The following OPCML variants were observed in gnomAD, a reference collection of about 807,000 sequenced individuals.
OPCML encodes opioid binding protein/cell adhesion molecule like, also known as opioid-binding protein/cell adhesion molecule.
Under a neutral mutation model 37.8 loss-of-function variants are expected in OPCML, and 13 were observed. The observed-to-expected ratio is 0.34, with a 90% confidence interval of 0.22 to 0.55. The LOEUF is 0.55. OPCML is among the 20% of genes least tolerant of loss of function. OPCML has a pLI of 0.91. For missense variants in OPCML, 341 were observed against 435.6 expected, an observed-to-expected ratio of 0.78 and a Z score of 1.93; for synonymous variants, 176 against 168.8, an observed-to-expected ratio of 1.04 and a Z score of -0.33.
intron 1 of OPCML, among the ~76,000 whole-genome samples, chr11:133,141,182 GAGGA>G: frequency 2.0e-5 from 3 of 152,084 alleles, no homozygotes; most frequent in Admixed American, 2.0e-4. Flanking sequence ...AGGTGAAGGA[GAGGA>G]ACAAGGCAGC....
At chr11:132,479,260 G>A (rs1310410884) in intron 4 of OPCML, among the ~76,000 whole-genome samples, 2 of 152,214 alleles carry the variant, frequency 1.3e-5, no homozygotes, top group Non-Finnish European at 2.9e-5. Context: ...AGAAAGGGGT[G>A]ACAGACGGCA....
chr11:133,281,586 C>G (rs1162546268), intron 1 of OPCML, among the ~76,000 whole-genome samples: 1 of 151,778 alleles, frequency 6.6e-6, no homozygotes, highest in Non-Finnish European at 1.5e-5. Context: ...ACATTGGTAC[C>G]AAGGAGTGGG....
rs555249937 is a variant in OPCML, at chr11:132,806,771, A to G, written c.146+136155T>C. On this transcript the variant is annotated intron_variant, in intron 2 of 7. Transcript: ENST00000524381. ...CCAACTTGATCTAATCAATATTTAC[A>G]GGACACTACACCCAACAGTGCCATC... Among the ~76,000 whole-genome samples the G allele has an allele frequency of 1.8e-4, 28 of 152,310 alleles. No homozygotes were observed. In the South Asian group the frequency reaches 5.6e-3, roughly 30 times the overall value.
chr11:133,006,830 C>CT (rs1373927163), intron 1 of OPCML: 1 of 985,314 alleles, frequency 1.0e-6, no homozygotes, highest in African/African-American at 1.7e-5. Context: ...ACCAGGGTAA[C>CT]TGGGCATGAA....
intron 4 of OPCML, among the ~76,000 whole-genome samples, chr11:132,459,393 C>T (rs1367960616): frequency 2.1e-5 from 3 of 140,254 alleles, no homozygotes; most frequent in Non-Finnish European, 3.0e-5. Context: ...TCCTTTCTCT[C>T]TCTCTCTCTC....
chr11:133,122,713 G>A (rs368741386), intron 1 of OPCML, among the ~76,000 whole-genome samples: 120 of 152,234 alleles, frequency 7.9e-4, no homozygotes, highest in African/African-American at 2.8e-3. Context: ...TACCTAGCTA[G>A]CCACTTGTTA....
chr11:132,885,860 C>T (rs187840522), intron 2 of OPCML, among the ~76,000 whole-genome samples: 14 of 152,284 alleles, frequency 9.2e-5, no homozygotes, highest in Admixed American at 4.6e-4. Context: ...TCCTCATTCC[C>T]CCTATCCAGT....
At chr11:132,892,275 T>C (rs966065522) in intron 2 of OPCML, among the ~76,000 whole-genome samples, 5 of 151,970 alleles carry the variant, frequency 3.3e-5, no homozygotes, top group Admixed American at 2.0e-4. Context: ...TAAAGGCATA[T>C]CCAGGAGACA....
intron 1 of OPCML, among the ~76,000 whole-genome samples, chr11:132,991,170 C>A (rs1190142515): frequency 6.6e-6 from 1 of 152,196 alleles, no homozygotes; most frequent in Non-Finnish European, 1.5e-5. Context: ...GGCATCTCCC[C>A]ATAATTTAGC....
chr11:133,458,495 C>T (rs1346143697), intron 1 of OPCML, among the ~76,000 whole-genome samples: 2 of 95,958 alleles, frequency 2.1e-5, no homozygotes, highest in Admixed American at 1.9e-4. Context: ...CATATATACA[C>T]GTGTGTGTGT....
intron 2 of OPCML, among the ~76,000 whole-genome samples, chr11:132,885,963 A>G (rs949194220): frequency 6.6e-6 from 1 of 151,994 alleles, no homozygotes; most frequent in African/African-American, 2.4e-5. Context: ...CAAACACACA[A>G]TTTCCTTTGC....
chr11:132,868,374 A>G (rs1297532777), intron 2 of OPCML, among the ~76,000 whole-genome samples: 1 of 147,752 alleles, frequency 6.8e-6, no homozygotes, highest in Non-Finnish European at 1.5e-5. Flanking sequence ...CATGAAATTC[A>G]GCAAAAAGAA....
intron 1 of OPCML, chr11:133,008,277 T>G (rs7925181): frequency 1.0e-6 from 1 of 983,762 alleles, no homozygotes; most frequent in African/African-American, 1.8e-5. Flanking sequence ...TCATAGAGAG[T>G]TGACAATCAA....
chr11:132,877,764 C>A (rs1285280028), intron 2 of OPCML, among the ~76,000 whole-genome samples: 1 of 152,142 alleles, frequency 6.6e-6, no homozygotes, highest in East Asian at 1.9e-4. Flanking sequence ...AAGCTGGGGT[C>A]ATGCAAAACA....
chr11:133,194,943 C>T (rs1214008091), intron 1 of OPCML, among the ~76,000 whole-genome samples: 1 of 152,180 alleles, frequency 6.6e-6, no homozygotes, highest in Admixed American at 6.5e-5. Flanking sequence ...ATGTCAACTC[C>T]TTCACGTAGC....
chr11:132,700,103 G>C (rs1024068020), intron 2 of OPCML, among the ~76,000 whole-genome samples: 1 of 151,846 alleles, frequency 6.6e-6, no homozygotes, highest in East Asian at 1.9e-4. Context: ...GTGTATAATT[G>C]TTCATAGTAG....
At chr11:133,226,381 A>G (rs761144375) in intron 1 of OPCML, among the ~76,000 whole-genome samples, 5 of 152,238 alleles carry the variant, frequency 3.3e-5, no homozygotes, top group Non-Finnish European at 5.9e-5. Flanking sequence ...CAGCCAGGAC[A>G]GAGCCCCCTT....
chr11:132,552,707 G>A (rs768973045), intron 3 of OPCML, among the ~76,000 whole-genome samples: 5 of 145,722 alleles, frequency 3.4e-5, no homozygotes, highest in Middle Eastern at 3.7e-3. Flanking sequence ...TTTAGGTATC[G>A]TTTCCTGTCT....
intron 1 of OPCML, among the ~76,000 whole-genome samples, chr11:133,257,136 T>A (rs188645924): frequency 4.1e-4 from 62 of 152,346 alleles, no homozygotes; most frequent in Admixed American, 7.8e-4. Flanking sequence ...AGAACACCAC[T>A]GTCCTACTTA....
Sources: allele counts gnomAD v4.1 joint callset (sites outside exome capture counted in the v4.1 genomes callset), GRCh38; gene constraint gnomAD v4.1.1; transcripts MANE v1.5; gene names NCBI Gene and HGNC (gene_info 2026-07-23, HGNC 2026-07-21).